POF1B: variants seen among roughly 807,000 people sequenced by gnomAD.
POF1B encodes POF1B actin binding protein.
A neutral mutation model predicts 55.3 loss-of-function variants in POF1B; 53 were observed. The observed-to-expected ratio is 0.96, with a 90% CI of 0.77 to 1.20. The LOEUF (loss-of-function observed/expected upper bound fraction) is 1.20. Among genes scored for constraint, POF1B ranks in the 50% most tolerant of loss-of-function variants. The pLI is 0.00. For missense variants in POF1B, 478 were observed against 420.5 expected (o/e 1.14, Z -1.20); for synonymous variants, 188 against 148.3 (o/e 1.27, Z -1.95).
chrX:85,373,715 A>C (rs1210936869), intron 2 of POF1B, among the ~76,000 whole-genome samples: 1 of 111,523 alleles, frequency 9.0e-6, no homozygotes. Context: ...GACCTATAAG[A>C]AGCTCACTAG....
rs185547431 is a variant in POF1B, at chrX:85,280,460, C to T, written c.1765-1034G>A. Among the ~76,000 whole-genome samples the T allele has an allele frequency of 6.8e-3, 754 of 110,896 alleles. 6 individuals carry two copies. Among genetic ancestry groups the T allele is most frequent in the Non-Finnish European group, 0.011 (571 of 52,632 alleles). On this transcript the variant is annotated intron_variant, in intron 16 of 16. Coordinates refer to ENST00000262753, the MANE Select transcript of POF1B (RefSeq NM_024921.4). ...ATAAGTATTCAAATAAATGAATTTT[C>T]CCAAACCGAACATGCATATGTAACC...
chrX:85,344,497 T>A (rs1933231805), intron 6 of POF1B, among the ~76,000 whole-genome samples: 1 of 111,164 alleles, frequency 9.0e-6, no homozygotes, highest in Non-Finnish European at 1.9e-5. Context: ...TTATGCTTTT[T>A]TATGTGCCTG....
At chrX:85,288,762 A>G (rs1244262639) in intron 15 of POF1B, among the ~76,000 whole-genome samples, 2 of 110,612 alleles carry the variant, frequency 1.8e-5, no homozygotes, top group East Asian at 2.9e-4. Flanking sequence ...TTCTCTTGCC[A>G]CTGCCATGTT....
chrX:85,327,017 G>T (rs183634863), intron 7 of POF1B, among the ~76,000 whole-genome samples: 1 of 110,893 alleles, frequency 9.0e-6, no homozygotes, highest in East Asian at 2.9e-4. Context: ...TAGGGCTAAA[G>T]TGTCCTAGGG....
At chrX:85,312,148 T>A (rs1932716870) in intron 9 of POF1B, among the ~76,000 whole-genome samples, 1 of 112,161 alleles carries the variant, frequency 8.9e-6, no homozygotes, top group Non-Finnish European at 1.9e-5. Context: ...TGATAATAGT[T>A]TCTTTTGCTG....
chrX:85,281,915 C>A lies in POF1B; in HGVS notation c.1764+288G>T, dbSNP rs763273277. On this transcript the variant is annotated intron_variant, in intron 16 of 16. Transcript: ENST00000262753. Reference sequence around the variant, plus strand: ...TTAATGGAACCCATTCAATAACTACCGAGCTAGGCAAGAAAATAAATAAAA... The same window carrying A: ...TTAATGGAACCCATTCAATAACTACAGAGCTAGGCAAGAAAATAAATAAAA... Among the ~76,000 whole-genome samples the A allele has an allele frequency of 5.8e-3, 641 of 109,688 alleles. 13 individuals carry two copies. The highest frequency in any genetic ancestry group is 0.02 in the African/African-American group (607 of 30,311).
At chrX:85,353,468 T>C (rs2147939762) in intron 4 of POF1B, among the ~76,000 whole-genome samples, 1 of 109,996 alleles carries the variant, frequency 9.1e-6, no homozygotes, top group South Asian at 3.8e-4. Context: ...ACCTGAGGAG[T>C]CTACTACACG....
intron 3 of POF1B, among the ~76,000 whole-genome samples, chrX:85,361,955 CGTGTGTGTGTGTGTGT>C (rs3049233): frequency 3.2e-5 from 3 of 94,259 alleles, no homozygotes; most frequent in Admixed American, 2.3e-4. Flanking sequence ...CTAGGTATTT[CGTGTGTGTGTGTGTGT>C]GTGTGTGTGT....
chrX:85,301,110 C>T (rs965327460), intron 15 of POF1B, among the ~76,000 whole-genome samples: 5 of 111,681 alleles, frequency 4.5e-5, no homozygotes, highest in Non-Finnish European at 9.4e-5. Flanking sequence ...TGTCTGAAAA[C>T]TTCCCAGATT....
chrX:85,327,328 T>C (rs1266556544), intron 7 of POF1B, among the ~76,000 whole-genome samples: 1 of 111,589 alleles, frequency 9.0e-6, no homozygotes, highest in Non-Finnish European at 1.9e-5. Flanking sequence ...CCCCATAATA[T>C]TTATTTTAAA....
Position 85,279,355 on chromosome X carries a change from C to T in POF1B, c.*66G>A. ...TTAGTGATGGAAAAATAACAAAGTA[C>T]TAATGCAGAGACACACACACAAAAA... is the stretch of plus-strand genomic sequence containing the variant. On this transcript the variant is annotated 3_prime_UTR_variant, in exon 17 of 17. Coordinates refer to ENST00000262753, the MANE Select transcript of POF1B (RefSeq NM_024921.4). 2 of 1,047,672 alleles carry T rather than the reference C, an allele frequency of 1.9e-6. No individual in the cohort carries two copies. The highest frequency in any genetic ancestry group is 1.3e-6 in the Non-Finnish European group (1 of 763,174). The allele number at this position is 1,047,672 out of a possible 1,213,427, so 86.3% of individuals were successfully genotyped here. A position where few individuals can be genotyped will look rare whatever the true frequency, so the allele number is the denominator to read the frequency against.
At chrX:85,324,007 C>G (rs754603198) in intron 7 of POF1B, among the ~76,000 whole-genome samples, 1 of 112,006 alleles carries the variant, frequency 8.9e-6, no homozygotes, top group African/African-American at 3.2e-5. Flanking sequence ...TGTTTCATTT[C>G]CATTTAATTA....
chrX:85,361,353 A>G (rs1391247865), intron 3 of POF1B, among the ~76,000 whole-genome samples: 1 of 111,563 alleles, frequency 9.0e-6, no homozygotes, highest in African/African-American at 3.3e-5. Context: ...TACATTTAAG[A>G]CTGTAATCAG....
chrX:85,321,021 G>C (rs759276234), intron 7 of POF1B, among the ~76,000 whole-genome samples: 12 of 111,259 alleles, frequency 1.1e-4, no homozygotes, highest in Non-Finnish European at 2.1e-4. Flanking sequence ...GTACAAGGAG[G>C]AGCTGGTACC....
chrX:85,279,445 G>C lies in POF1B; in HGVS notation c.1765-19C>G. 8.5e-7 allele frequency: 1 copy of C among 1,169,826 alleles called. No individual in the cohort carries two copies. Among genetic ancestry groups the C allele is most frequent in the Non-Finnish European group, 1.2e-6 (1 of 864,067 alleles). ...TTCATGGCTAGAAAAGAAAAAAAAA[G>C]GTTATCTTACAACTGGTTCATAATT... On this transcript the variant is annotated intron_variant, in intron 16 of 16. Coordinates refer to ENST00000262753, the MANE Select transcript of POF1B (RefSeq NM_024921.4).
At chrX:85,307,547 CAA>C (rs1237552498) in intron 10 of POF1B, among the ~76,000 whole-genome samples, 2 of 111,131 alleles carry the variant, frequency 1.8e-5, no homozygotes, top group Non-Finnish European at 3.8e-5. Context: ...CTCCAATCTA[CAA>C]AGAGTCCTCG....
chrX:85,332,236 T>G (rs1273393208), intron 6 of POF1B, among the ~76,000 whole-genome samples: 5 of 111,797 alleles, frequency 4.5e-5, no homozygotes, highest in Non-Finnish European at 9.4e-5. Context: ...ATTTCTTGTT[T>G]GACTTCCCCC....
chrX:85,347,971 CT>C (rs1933303359), intron 5 of POF1B, among the ~76,000 whole-genome samples: 1 of 111,410 alleles, frequency 9.0e-6, no homozygotes, highest in Non-Finnish European at 1.9e-5. Context: ...GAAATAGAAG[CT>C]CTCCTGAAGG....
At chrX:85,358,094 T>C (rs1426019688) in intron 4 of POF1B, among the ~76,000 whole-genome samples, 3 of 111,152 alleles carry the variant, frequency 2.7e-5, no homozygotes, top group East Asian at 2.9e-4. Context: ...CCAGAAAAGA[T>C]AGAGAGTGAT....
Sources: allele counts gnomAD v4.1 joint callset (sites outside exome capture counted in the v4.1 genomes callset), GRCh38; gene constraint gnomAD v4.1.1; transcripts MANE v1.5; gene names NCBI Gene and HGNC (gene_info 2026-07-23, HGNC 2026-07-21).